Variants in AFAP1L1 observed in about 807,000 individuals in gnomAD.
The protein encoded by AFAP1L1 is actin filament-associated protein 1-like 1.
Under a neutral mutation model 99.8 loss-of-function variants are expected in AFAP1L1, and 77 were observed. The observed-to-expected ratio is 0.77, with a 90% confidence interval of 0.64 to 0.93. The LOEUF is 0.93. Ranked by LOEUF, AFAP1L1 falls within the 40% of genes least tolerant of loss-of-function variation. AFAP1L1 has a pLI of 0.00. For synonymous variants in AFAP1L1, 373 were observed against 395.3 expected (o/e 0.94, Z 0.67); for missense variants, 893 against 996.8 (o/e 0.90, Z 1.40).
intron 15 of AFAP1L1, 80 bp from the exon 16 acceptor site, chr5:149,329,586 T>C: frequency 7.1e-7 from 1 of 1,400,588 alleles, no homozygotes; most frequent in African/African-American, 1.4e-5. Flanking sequence ...AAGTTGGGGC[T>C]GAAAGAGAAG....
Position 149,312,573 on chromosome 5 carries a change from G to A in AFAP1L1, c.1020+369G>A, listed in dbSNP as rs536424399. ...AAGGTGGGCACATCACTTGAGCCCC[G>A]GAGTTCAAGACCAGCCTGGACAACA... On this transcript the variant is annotated intron_variant, in intron 9 of 18. Transcript: ENST00000296721. Among the ~76,000 whole-genome samples the A allele has an allele frequency of 4.3e-4, 66 of 152,190 alleles. No individual in the cohort carries two copies. In the South Asian group the frequency reaches 6.2e-3, roughly 14 times the overall value.
At chr5:149,322,425 G>T (rs1756976023) in intron 14 of AFAP1L1, among the ~76,000 whole-genome samples, 181 bp from the exon 15 acceptor site, 2 of 152,170 alleles carry the variant, frequency 1.3e-5, no homozygotes, top group African/African-American at 4.8e-5. Flanking sequence ...AAGGTATGAG[G>T]TTCAAATGAT....
chr5:149,334,171 T>C (rs915285143), intron 17 of AFAP1L1, among the ~76,000 whole-genome samples: 1 of 152,254 alleles, frequency 6.6e-6, no homozygotes, highest in Non-Finnish European at 1.5e-5. Context: ...GTGTCATTAT[T>C]ATTGTTGTCC....
intron 1 of AFAP1L1, among the ~76,000 whole-genome samples, chr5:149,288,884 A>G (rs535798598): frequency 6.6e-6 from 1 of 152,166 alleles, no homozygotes; most frequent in Non-Finnish European, 1.5e-5. Context: ...GAGTAAGGCC[A>G]TTGAGGATGT....
intron 1 of AFAP1L1, among the ~76,000 whole-genome samples, chr5:149,295,258 G>A (rs1755981315): frequency 6.6e-6 from 1 of 152,184 alleles, no homozygotes; most frequent in South Asian, 2.1e-4. Flanking sequence ...TCAGTTAAAG[G>A]AAGAGCACTT....
At chr5:149,305,912 ACACACAC>A (rs1756394234) in intron 5 of AFAP1L1, among the ~76,000 whole-genome samples, 1 of 150,874 alleles carries the variant, frequency 6.6e-6, no homozygotes, top group Non-Finnish European at 1.5e-5. Context: ...ACACACACAC[ACACACAC>A]ACCATGCACA....
intron 1 of AFAP1L1, among the ~76,000 whole-genome samples, chr5:149,275,618 G>A (rs1755293295): frequency 6.6e-6 from 1 of 152,054 alleles, no homozygotes; most frequent in South Asian, 2.1e-4. Flanking sequence ...CCATTCTCCT[G>A]CCTCAGCCTC....
chr5:149,280,968 G>C (rs1182720952), intron 1 of AFAP1L1, among the ~76,000 whole-genome samples: 1 of 152,182 alleles, frequency 6.6e-6, no homozygotes, highest in Non-Finnish European at 1.5e-5. Flanking sequence ...GCTCACTTCC[G>C]TGTTATGAGA....
chr5:149,307,398 G>T lies in AFAP1L1; in HGVS notation c.536-4G>T. On this transcript the variant is annotated splice_polypyrimidine_tract_variant and splice_region_variant and intron_variant, in intron 6 of 18. Transcript: ENST00000296721. ...TGATGGATCCTTTCCCGTGACGCCTGCAGATAATGACTCTGACGCAATGAG... is the reference window on the plus strand; with the variant it reads ...TGATGGATCCTTTCCCGTGACGCCTTCAGATAATGACTCTGACGCAATGAG... 1 of 1,614,034 alleles carries T rather than the reference G, an allele frequency of 6.2e-7. No individual in the cohort carries two copies. The highest frequency in any genetic ancestry group is 8.5e-7 in the Non-Finnish European group (1 of 1,179,966).
intron 8 of AFAP1L1, 103 bp downstream of exon 8, chr5:149,310,238 C>A: frequency 1.4e-6 from 2 of 1,403,474 alleles, no homozygotes; most frequent in South Asian, 1.5e-5. Context: ...GCCTCTTGCT[C>A]AGTGCCTGAG....
chr5:149,322,849 C>G (rs1020096557), intron 15 of AFAP1L1, 132 bp downstream of exon 15: 11 of 699,304 alleles, frequency 1.6e-5, no homozygotes, highest in Non-Finnish European at 2.6e-5. Context: ...AATACTCTAC[C>G]GTAAGAAAAA....
At chr5:149,284,965 G>C (rs1453422052) in intron 1 of AFAP1L1, among the ~76,000 whole-genome samples, 1 of 152,214 alleles carries the variant, frequency 6.6e-6, no homozygotes, top group Non-Finnish European at 1.5e-5. Context: ...GTACACAATT[G>C]TTAGTCTAAT....
rs1440763627 is a variant in AFAP1L1, at chr5:149,291,537, AAAAAAAAAAAAAAG to A, written c.17-7968_17-7955del. 6.3e-5 allele frequency among the ~76,000 whole-genome samples: 9 copies of A among 143,172 alleles called. 1 individual carries two copies. Among genetic ancestry groups the A allele is most frequent in the South Asian group, 4.7e-4 (2 of 4,242 alleles). The allele number at this position is 143,172 out of a possible 152,430, so 93.9% of individuals were successfully genotyped here. Reference sequence around the variant, plus strand: ...GTGACTCCGTCTCAAAAAAAAAAAAAAAAAAAAAAAAAAGAAAGAAAGAAGAGAAAAGCCTGCAG... The same window carrying A: ...GTGACTCCGTCTCAAAAAAAAAAAAAAAAGAAAGAAGAGAAAAGCCTGCAG... On this transcript the variant is annotated intron_variant, in intron 1 of 18. Coordinates refer to ENST00000296721, the MANE Select transcript of AFAP1L1 (RefSeq NM_152406.4).
intron 2 of AFAP1L1, 151 bp downstream of exon 2, chr5:149,299,788 C>T (rs1269089681): frequency 2.4e-6 from 3 of 1,270,870 alleles, no homozygotes; most frequent in African/African-American, 3.0e-5. Flanking sequence ...GACACAGCGT[C>T]CAATGCATTC....
intron 1 of AFAP1L1, among the ~76,000 whole-genome samples, chr5:149,272,766 G>A (rs775474183): frequency 2.8e-4 from 42 of 151,056 alleles, no homozygotes; most frequent in Admixed American, 1.2e-3. Flanking sequence ...GAAGTGGCGC[G>A]ATCTTGGCTC....
intron 15 of AFAP1L1, among the ~76,000 whole-genome samples, chr5:149,323,021 A>G (rs944523627): frequency 8.5e-5 from 13 of 152,178 alleles, no homozygotes; most frequent in Admixed American, 3.9e-4. Context: ...GATGATCCCT[A>G]TGCAGCAGTA....
rs145309482 is a variant in AFAP1L1 at position 149,307,436 on chromosome 5, G to A, written c.570G>A (p.Glu190=). 3.7e-6 allele frequency: 6 copies of A among 1,614,018 alleles called. No homozygotes were observed. In the African/African-American group the frequency reaches 8.0e-5, roughly 22 times the overall value. The change falls in exon 7 of 19, where the codon GAG becomes GAA. Residue 190 remains glutamate, a synonymous_variant. Transcript: ENST00000296721. ...CTGACGCAATGAGCAGCTCCTATGAGTCCTACGATGAAGAGGAGGAGGAAG... is the reference window on the plus strand; with the variant it reads ...CTGACGCAATGAGCAGCTCCTATGAATCCTACGATGAAGAGGAGGAGGAAG... The part of the protein sequence containing the change: ...NDSDAMSSSY[E]SYDEEEEEGK...
At position 149,340,257 on chromosome 5, in the gene AFAP1L1, G is replaced by A. The variant is rs1346968129; in HGVS notation, c.*227G>A. 19 of 528,970 alleles carry A rather than the reference G, an allele frequency of 3.6e-5. No individual in the cohort carries two copies. Among genetic ancestry groups the A allele is most frequent in the Admixed American group, 3.1e-5 (1 of 32,490 alleles). 32.8% of individuals were successfully genotyped at this position (528,970 alleles called of 1,614,324 possible). ...GCATCCTTATGACTTTACAAAGGGT[G>A]GAAATGAGGATGGAGGGATACAGAA... On this transcript the variant is annotated 3_prime_UTR_variant, in exon 19 of 19. Coordinates refer to ENST00000296721, the MANE Select transcript of AFAP1L1 (RefSeq NM_152406.4).
Position 149,341,604 on chromosome 5 carries a change from C to G in AFAP1L1, c.*1574C>G, listed in dbSNP as rs1757561972. The G allele has an allele frequency of 6.6e-6, 1 of 152,194 alleles. No homozygotes were observed. Among genetic ancestry groups the G allele is most frequent in the Non-Finnish European group, 1.5e-5 (1 of 68,054 alleles). The allele number at this position is 152,194 out of a possible 1,614,324, so 9.4% of individuals were successfully genotyped here. A position where few individuals can be genotyped will look rare whatever the true frequency, so the allele number is the denominator to read the frequency against. On this transcript the variant is annotated 3_prime_UTR_variant, in exon 19 of 19. Transcript: ENST00000296721. The stretch of plus-strand genomic sequence containing the variant: ...AAGAAATGCTCAGTCAATAGTGGCT[C>G]TCATTAGCCAGGCATGGTGGTACTC...
Sources: gnomAD v4.1 joint callset for allele counts (sites outside exome capture counted in the v4.1 genomes callset) on GRCh38, gnomAD v4.1.1 for gene constraint, MANE v1.5 for transcripts, NCBI Gene and HGNC (gene_info 2026-07-23, HGNC 2026-07-21) for gene names.